CPNE4: variants seen among roughly 807,000 people sequenced by gnomAD.
CPNE4 encodes the protein copine 4.
Under a neutral mutation model 67.9 loss-of-function variants are expected in CPNE4, and 25 were observed. That is an observed-to-expected ratio of 0.37 (90% CI 0.27 to 0.51). CPNE4 has a LOEUF of 0.51. CPNE4 is among the 20% of genes least tolerant of loss of function. The pLI is 0.93. For missense variants in CPNE4, 464 were observed against 690.8 expected (o/e 0.67, Z 3.68); for synonymous variants, 242 against 244.9 (o/e 0.99, Z 0.11).
intron 11 of CPNE4, among the ~76,000 whole-genome samples, chr3:131,560,151 A>C (rs547427798): frequency 2.0e-4 from 30 of 152,160 alleles, no homozygotes; most frequent in Non-Finnish European, 3.2e-4. Flanking sequence ...TTTATTGAGT[A>C]TTTATAAAGG....
At chr3:131,560,591 T>A (rs1160204538) in intron 11 of CPNE4, among the ~76,000 whole-genome samples, 3 of 152,054 alleles carry the variant, frequency 2.0e-5, no homozygotes, top group Non-Finnish European at 4.4e-5. Flanking sequence ...CCGGCCATGC[T>A]GGGCTGTAAT....
At chr3:131,951,919 C>A (rs1344771625) in intron 1 of CPNE4, among the ~76,000 whole-genome samples, 2 of 152,146 alleles carry the variant, frequency 1.3e-5, no homozygotes, top group African/African-American at 4.8e-5. Flanking sequence ...GCTACAACCT[C>A]CACCTCCCAG....
At chr3:131,768,963 G>A (rs571889482) in intron 2 of CPNE4, among the ~76,000 whole-genome samples, 8 of 152,258 alleles carry the variant, frequency 5.3e-5, no homozygotes, top group African/African-American at 1.9e-4. Flanking sequence ...ACTAGGCAGA[G>A]CCAATTGTAA....
intron 6 of CPNE4, among the ~76,000 whole-genome samples, chr3:131,685,087 A>G (rs1271701592): frequency 6.6e-6 from 1 of 152,312 alleles, no homozygotes; most frequent in East Asian, 1.9e-4. Context: ...AACAACCTCA[A>G]TTGAAACCTG....
intron 1 of CPNE4, among the ~76,000 whole-genome samples, chr3:131,966,434 C>G (rs919480178): frequency 6.6e-6 from 1 of 152,120 alleles, no homozygotes; most frequent in African/African-American, 2.4e-5. Context: ...AATCCAGGAG[C>G]TGGTTTTTTG....
At chr3:131,765,309 A>C (rs1305734574) in intron 2 of CPNE4, among the ~76,000 whole-genome samples, 1 of 152,182 alleles carries the variant, frequency 6.6e-6, no homozygotes, top group South Asian at 2.1e-4. Flanking sequence ...GGGAACAACC[A>C]GAAGTAATTT....
intron 1 of CPNE4, among the ~76,000 whole-genome samples, chr3:131,979,183 T>C (rs1344322784): frequency 2.6e-5 from 4 of 152,138 alleles, no homozygotes; most frequent in Admixed American, 6.6e-5. Flanking sequence ...GGATGAAATG[T>C]TCTGTATATG....
intron 1 of CPNE4, among the ~76,000 whole-genome samples, chr3:131,930,852 C>T (rs951987882): frequency 3.9e-5 from 6 of 152,046 alleles, no homozygotes; most frequent in Admixed American, 2.6e-4. Context: ...CACCTGATTC[C>T]TATAACTATA....
chr3:132,026,177 T>C (rs969189206), intron 1 of CPNE4, among the ~76,000 whole-genome samples: 1 of 152,212 alleles, frequency 6.6e-6, no homozygotes, highest in Non-Finnish European at 1.5e-5. Context: ...TTTGCCTGGA[T>C]GCAGGATATT....
chr3:131,960,676 C>T (rs1042131659), intron 1 of CPNE4, among the ~76,000 whole-genome samples: 1 of 152,178 alleles, frequency 6.6e-6, no homozygotes, highest in Non-Finnish European at 1.5e-5. Flanking sequence ...CTTAGCTGGT[C>T]TGAAGAACCT....
intron 14 of CPNE4, among the ~76,000 whole-genome samples, chr3:131,548,242 A>T (rs557170092): frequency 1.3e-5 from 2 of 152,298 alleles, no homozygotes; most frequent in Non-Finnish European, 2.9e-5. Context: ...AGTACTTTTC[A>T]TTATATATAT....
At chr3:132,015,960 T>C (rs1391977740) in intron 1 of CPNE4, among the ~76,000 whole-genome samples, 1 of 152,256 alleles carries the variant, frequency 6.6e-6, no homozygotes, top group Non-Finnish European at 1.5e-5. Flanking sequence ...ACTATATGAT[T>C]TGAATTGGTT....
intron 1 of CPNE4, among the ~76,000 whole-genome samples, chr3:131,984,104 C>T (rs1008797839): frequency 6.6e-6 from 1 of 152,162 alleles, no homozygotes; most frequent in Non-Finnish European, 1.5e-5. Context: ...TGTGCTCTCA[C>T]TATAACACAT....
intron 6 of CPNE4, among the ~76,000 whole-genome samples, chr3:131,670,071 G>C (rs2080370001): frequency 6.6e-6 from 1 of 152,174 alleles, no homozygotes; most frequent in South Asian, 2.1e-4. Flanking sequence ...ATTAAGGATA[G>C]GGCTGCCTTT....
intron 2 of CPNE4, among the ~76,000 whole-genome samples, chr3:131,787,299 A>T (rs955447184): frequency 2.0e-5 from 3 of 152,124 alleles, no homozygotes; most frequent in Admixed American, 6.6e-5. Flanking sequence ...TTTATTAGGG[A>T]TTAGCATCTA....
chr3:131,654,452 C>T (rs1454869237), intron 7 of CPNE4, among the ~76,000 whole-genome samples: 13 of 152,104 alleles, frequency 8.5e-5, no homozygotes, highest in Admixed American at 2.6e-4. Flanking sequence ...TTTGTGTCCA[C>T]GTGTTCTCAT....
chr3:131,827,203 C>A (rs1042374664), intron 2 of CPNE4, among the ~76,000 whole-genome samples: 1 of 152,168 alleles, frequency 6.6e-6, no homozygotes, highest in Admixed American at 6.5e-5. Context: ...CCAAAGACAC[C>A]AAATAATCTA....
At chr3:131,585,438 A>G (rs1582845662) in intron 8 of CPNE4, among the ~76,000 whole-genome samples, 1 of 152,188 alleles carries the variant, frequency 6.6e-6, no homozygotes, top group Non-Finnish European at 1.5e-5. Context: ...GTGGCTGGGT[A>G]GTTAAACTAA....
upstream of CPNE4, chr3:132,037,563 C>T (rs959610750): frequency 2.0e-6 from 3 of 1,535,646 alleles, no homozygotes; most frequent in African/African-American, 4.1e-5. Flanking sequence ...TCACCTCCTC[C>T]CAGCTCTCCT....
Sources: allele counts gnomAD v4.1 joint callset (sites outside exome capture counted in the v4.1 genomes callset), GRCh38; gene constraint gnomAD v4.1.1; transcripts MANE v1.5; gene names NCBI Gene and HGNC (gene_info 2026-07-23, HGNC 2026-07-21).